SLC25A48: variants seen among roughly 807,000 people sequenced by gnomAD.
SLC25A48 encodes CTC-321K16.1.
In SLC25A48, 29 loss-of-function variants were observed where a neutral mutation model predicts 32.2. That is an observed-to-expected ratio of 0.90 (90% CI 0.67 to 1.23). The LOEUF is 1.23. Ranked by LOEUF, SLC25A48 falls within the 50% of genes most tolerant of loss-of-function variation. SLC25A48 has a pLI of 0.00. For synonymous variants in SLC25A48, 164 were observed against 172.3 expected (o/e 0.95, Z 0.38); for missense variants, 399 against 422.7 (o/e 0.94, Z 0.49).
At chr5:135,746,044 A>T (rs1350616674) in intron 3 of SLC25A48, among the ~76,000 whole-genome samples, 2 of 152,010 alleles carry the variant, frequency 1.3e-5, no homozygotes, top group Non-Finnish European at 2.9e-5. Flanking sequence ...CGCCTTCTAC[A>T]GTCCTCCTCC....
At chr5:135,645,202 G>A (rs188464840) in intron 3 of SLC25A48, among the ~76,000 whole-genome samples, 18 of 152,308 alleles carry the variant, frequency 1.2e-4, no homozygotes, top group African/African-American at 3.1e-4. Flanking sequence ...TTTGCATTGT[G>A]TTTGAGTGTA....
At chr5:135,640,509 G>A (rs997096403) in intron 3 of SLC25A48, among the ~76,000 whole-genome samples, 13 of 152,030 alleles carry the variant, frequency 8.6e-5, no homozygotes, top group African/African-American at 2.9e-4. Context: ...CCTTCCGCAT[G>A]ATACAATACC....
chr5:135,832,170 G>A (rs1018097058), upstream of SLC25A48, among the ~76,000 whole-genome samples: 7 of 152,154 alleles, frequency 4.6e-5, no homozygotes, highest in African/African-American at 1.7e-4. Flanking sequence ...AGGGATGTCT[G>A]GACTCTGAAG....
Position 135,613,321 on chromosome 5 carries a change from A to G in SLC25A48, c.-848-15916A>G, listed in dbSNP as rs543259273. ...GTTGTTTGAGTTTCTTGTATATTGT[A>G]GACATTAGTCCTTTATTGGATGAAT... On this transcript the variant is annotated intron_variant, in intron 1 of 10. Transcript: ENST00000646290. 2.0e-5 allele frequency among the ~76,000 whole-genome samples: 3 copies of G among 152,236 alleles called. No individual in the cohort carries two copies. The South Asian group carries it at 6.2e-4, about 32-fold the overall frequency.
At chr5:135,636,793 C>T (rs1752716216) in intron 3 of SLC25A48, among the ~76,000 whole-genome samples, 1 of 152,188 alleles carries the variant, frequency 6.6e-6, no homozygotes, top group Non-Finnish European at 1.5e-5. Flanking sequence ...CTTCCGTTAC[C>T]TCGAGGTTGA....
intron 3 of SLC25A48, among the ~76,000 whole-genome samples, chr5:135,766,174 G>T (rs1457374000): frequency 6.6e-6 from 1 of 151,170 alleles, no homozygotes; most frequent in African/African-American, 2.4e-5. Flanking sequence ...CCAATAACGC[G>T]GTTGGTGTAG....
chr5:135,691,222 G>A (rs1006402029), intron 3 of SLC25A48, among the ~76,000 whole-genome samples: 1 of 152,212 alleles, frequency 6.6e-6, no homozygotes, highest in Non-Finnish European at 1.5e-5. Context: ...TAAAAGGTTG[G>A]ATCCAGTGGA....
chr5:135,651,207 T>C (rs1753102396), intron 3 of SLC25A48, among the ~76,000 whole-genome samples: 1 of 152,196 alleles, frequency 6.6e-6, no homozygotes, highest in African/African-American at 2.4e-5. Flanking sequence ...TCTGCTGTGC[T>C]AGGCTCATGC....
intron 7 of SLC25A48, chr5:135,883,439 A>T (rs769505808): frequency 1.5e-5 from 15 of 985,344 alleles, no homozygotes; most frequent in Non-Finnish European, 1.7e-5. Context: ...AAATAAAAGC[A>T]TTAAAAACCT....
chr5:135,742,392 T>G, intron 3 of SLC25A48: 1 of 1,238,056 alleles, frequency 8.1e-7, no homozygotes, highest in Non-Finnish European at 1.1e-6. Context: ...AGGAATCCGT[T>G]ATTTAATAGC....
chr5:135,839,250 C>CA (rs1490975909), intron 1 of SLC25A48, among the ~76,000 whole-genome samples: 2 of 152,174 alleles, frequency 1.3e-5, no homozygotes, highest in African/African-American at 2.4e-5. Context: ...CTGTACTCTG[C>CA]AAAATCACAG....
chr5:135,667,257 G>A (rs1438498550), intron 3 of SLC25A48, among the ~76,000 whole-genome samples: 3 of 152,234 alleles, frequency 2.0e-5, no homozygotes, highest in South Asian at 4.1e-4. Context: ...ATACAAAATG[G>A]TACCACTCTG....
intron 3 of SLC25A48, among the ~76,000 whole-genome samples, chr5:135,670,234 T>C (rs1354784507): frequency 6.6e-6 from 1 of 152,166 alleles, no homozygotes; most frequent in African/African-American, 2.4e-5. Context: ...AAAGGGAGTA[T>C]CAAGCAGGCC....
chr5:135,812,714 C>T (rs986312415), exon 4 of SLC25A48: 5 of 152,270 alleles, frequency 3.3e-5, no homozygotes, highest in African/African-American at 1.2e-4. Context: ...GAGGAGATGA[C>T]TTCTGGGGCA....
chr5:135,744,698 C>T lies in SLC25A48; in HGVS notation c.-520-67825C>T, dbSNP rs142008155. On this transcript the variant is annotated intron_variant, in intron 3 of 10. Transcript: ENST00000646290. The stretch of plus-strand genomic sequence containing the variant: ...AGGTTATGACTATTGCTGATGGTCA[C>T]ACCACATGGACCCAAGAATCAAACC... Among the ~76,000 whole-genome samples the T allele has an allele frequency of 5.1e-3, 774 of 152,268 alleles. 7 individuals are homozygous for T. Among genetic ancestry groups the T allele is most frequent in the African/African-American group, 0.018 (733 of 41,556 alleles).
At position 135,767,836 on chromosome 5, in the gene SLC25A48, A is replaced by G. The variant is rs560117228; in HGVS notation, c.-520-44687A>G. 1.8e-4 allele frequency among the ~76,000 whole-genome samples: 28 copies of G among 151,590 alleles called. No individual in the cohort carries two copies. The South Asian group carries it at 5.4e-3, about 29-fold the overall frequency. On this transcript the variant is annotated intron_variant, in intron 3 of 10. Transcript: ENST00000646290. ...ACAGAGAAAGATGATATTACTCCCAATATCGCAGAGTTTGTACACCCCCTT... is the reference window on the plus strand; with the variant it reads ...ACAGAGAAAGATGATATTACTCCCAGTATCGCAGAGTTTGTACACCCCCTT...
intron 4 of SLC25A48, among the ~76,000 whole-genome samples, chr5:135,820,155 C>T (rs1757845217): frequency 6.6e-6 from 1 of 152,164 alleles, no homozygotes; most frequent in South Asian, 2.1e-4. Flanking sequence ...ACAATGGAAA[C>T]AACTAGACTG....
intron 4 of SLC25A48, among the ~76,000 whole-genome samples, chr5:135,861,043 C>G (rs997701923): frequency 6.6e-6 from 1 of 152,140 alleles, no homozygotes; most frequent in Non-Finnish European, 1.5e-5. Context: ...AATCTACAAG[C>G]TACAGAACAT....
chr5:135,767,293 GGAT>G (rs1427461065), intron 3 of SLC25A48, among the ~76,000 whole-genome samples: 1 of 151,768 alleles, frequency 6.6e-6, no homozygotes, highest in Non-Finnish European at 1.5e-5. Context: ...GAAGGCGAGA[GGAT>G]GATATTACTT....
Sources: gnomAD v4.1 joint callset for allele counts (sites outside exome capture counted in the v4.1 genomes callset) on GRCh38, gnomAD v4.1.1 for gene constraint, MANE v1.5 for transcripts, NCBI Gene and HGNC (gene_info 2026-07-23, HGNC 2026-07-21) for gene names.